The following BTBD7 variants were observed in gnomAD, a reference collection of about 807,000 sequenced individuals.
BTBD7 encodes BTB/POZ domain-containing protein 7.
Under a neutral mutation model 99.9 loss-of-function variants are expected in BTBD7, and 38 were observed. The ratio of observed to expected loss-of-function variants is 0.38; its 90% CI spans 0.29 to 0.50. The LOEUF (loss-of-function observed/expected upper bound fraction) is 0.50, where lower values mean the gene tolerates loss of function less well. Among genes scored for constraint, BTBD7 ranks in the 20% least tolerant of loss-of-function variants. The pLI, the probability that BTBD7 is intolerant of heterozygous loss-of-function variation, is 0.93. For missense variants in BTBD7, 1,170 were observed against 1,394.6 expected (o/e 0.84, Z 2.57); for synonymous variants, 520 against 511.4 (o/e 1.02, Z -0.23).
intron 1 of BTBD7, among the ~76,000 whole-genome samples, chr14:93,300,702 ATTTGTGTGTGTGTGTGTGTG>A (rs2052985350): frequency 2.8e-5 from 3 of 107,562 alleles, no homozygotes; most frequent in South Asian, 6.8e-4. Flanking sequence ...TGCCCAGCTA[ATTTGTGTGTGTGTGTGTGTG>A]TGTGTGTGTG....
chr14:93,258,264 G>GT (rs1412260663), intron 5 of BTBD7, among the ~76,000 whole-genome samples: 1 of 151,548 alleles, frequency 6.6e-6, no homozygotes, highest in African/African-American at 2.4e-5. Flanking sequence ...GAGAAGCTAA[G>GT]TTTTTTTCTG....
chr14:93,252,998 T>C (rs571274406), intron 7 of BTBD7, among the ~76,000 whole-genome samples: 1 of 152,166 alleles, frequency 6.6e-6, no homozygotes. Context: ...AAATTTTTCC[T>C]TTTAGTTTTT....
rs745463260 is a variant in BTBD7 at position 93,293,993 on chromosome 14, G to C, written c.1027C>G (p.His343Asp). The change falls in exon 3 of 11, where the codon CAC becomes GAC. Residue 343 changes from histidine (H) to aspartate (D), a missense_variant. By Grantham distance (81) the His-to-Asp change is moderately conservative. This residue lies in a region of BTBD7 where 359 missense variants were observed against 497.9 expected (regional missense o/e 0.72). Coordinates refer to ENST00000334746, the MANE Select transcript of BTBD7 (RefSeq NM_001002860.4). ...YTDVVDLSVL[H>D]CSPSVGSLSE... ...AGACTCCCCACAGAGGGGCTACAGT[G>C]CAAAACAGAGAGGTCCACCACGTCG... 6.2e-7 allele frequency: 1 copy of C among 1,613,746 alleles called. No individual in the cohort carries two copies. Among genetic ancestry groups the C allele is most frequent in the Admixed American group, 1.7e-5 (1 of 59,984 alleles).
At chr14:93,272,235 T>C (rs1012037282) in intron 3 of BTBD7, among the ~76,000 whole-genome samples, 3 of 152,010 alleles carry the variant, frequency 2.0e-5, no homozygotes, top group East Asian at 1.9e-4. Flanking sequence ...TGAGCCAAGA[T>C]TGCACCACTG....
At chr14:93,261,266 T>G (rs2052486896) in intron 5 of BTBD7, among the ~76,000 whole-genome samples, 1 of 152,236 alleles carries the variant, frequency 6.6e-6, no homozygotes, top group Non-Finnish European at 1.5e-5. Flanking sequence ...ATTCCAAATT[T>G]TCATCAACAT....
chr14:93,242,875 T>C lies in BTBD7; in HGVS notation c.2797A>G (p.Thr933Ala), dbSNP rs757065285. The change falls in exon 11 of 11, where the codon ACA becomes GCA. Residue 933 changes from threonine to alanine, a missense_variant. By Grantham distance (58) the Thr-to-Ala change is moderately conservative. Transcript: ENST00000334746. The part of the protein sequence containing the change: ...SRKKHTLEQK[T>A]DTRENPQEYP... ...TCCTGTGGATTTTCTCTGGTGTCTG[T>C]TTTTTGCTCTAGTGTGTGTTTTTTC... The C allele has an allele frequency of 1.5e-5, 25 of 1,614,028 alleles. No homozygotes were observed. Among genetic ancestry groups the C allele is most frequent in the Non-Finnish European group, 2.1e-5 (25 of 1,180,026 alleles).
intron 1 of BTBD7, among the ~76,000 whole-genome samples, chr14:93,326,803 A>C (rs1595346342): frequency 3.8e-5 from 1 of 26,360 alleles, no homozygotes; most frequent in Non-Finnish European, 5.9e-5. Flanking sequence ...AACTCTGTCT[A>C]AAAAAAAAAA....
chr14:93,259,792 C>T (rs1382159539), intron 5 of BTBD7, among the ~76,000 whole-genome samples: 4 of 151,914 alleles, frequency 2.6e-5, no homozygotes, highest in South Asian at 2.1e-4. Flanking sequence ...AAATTAGCCA[C>T]GCGTGGTGGC....
chr14:93,247,878 C>A (rs2052330325), intron 9 of BTBD7, among the ~76,000 whole-genome samples: 1 of 152,112 alleles, frequency 6.6e-6, no homozygotes, highest in African/African-American at 2.4e-5. Flanking sequence ...AAAGAAAGCA[C>A]TTACTGTTTG....
chr14:93,329,822 T>C (rs558250748), intron 1 of BTBD7, among the ~76,000 whole-genome samples: 5 of 152,316 alleles, frequency 3.3e-5, no homozygotes, highest in Non-Finnish European at 5.9e-5. Flanking sequence ...TTTAGAAATA[T>C]GTAGTCATGA....
chr14:93,276,532 T>C (rs2052658141), intron 3 of BTBD7, among the ~76,000 whole-genome samples: 1 of 152,154 alleles, frequency 6.6e-6, no homozygotes. Flanking sequence ...ACCACCAGGC[T>C]ATGGAAGCTG....
chr14:93,268,431 G>A (rs1340219527), intron 3 of BTBD7, among the ~76,000 whole-genome samples: 1 of 152,124 alleles, frequency 6.6e-6, no homozygotes, highest in Non-Finnish European at 1.5e-5. Flanking sequence ...TGATTCTATA[G>A]TGTCTGGCAC....
At chr14:93,302,642 C>T (rs566321528) in intron 1 of BTBD7, among the ~76,000 whole-genome samples, 2 of 152,202 alleles carry the variant, frequency 1.3e-5, no homozygotes, top group African/African-American at 2.4e-5. Flanking sequence ...GTCAGGAGTT[C>T]GAGACCAGCC....
At chr14:93,326,857 A>G (rs1052490182) in intron 1 of BTBD7, among the ~76,000 whole-genome samples, 1 of 152,118 alleles carries the variant, frequency 6.6e-6, no homozygotes, top group Non-Finnish European at 1.5e-5. Context: ...TAATGATACT[A>G]TACCTGTTTT....
chr14:93,320,376 A>G (rs145522956), intron 1 of BTBD7, among the ~76,000 whole-genome samples: 2 of 152,328 alleles, frequency 1.3e-5, no homozygotes, highest in East Asian at 3.9e-4. Flanking sequence ...GAAGCCAAGG[A>G]TGCTGCTAAA....
chr14:93,269,584 C>G (rs1566842962), intron 3 of BTBD7, among the ~76,000 whole-genome samples: 1 of 152,196 alleles, frequency 6.6e-6, no homozygotes, highest in Non-Finnish European at 1.5e-5. Flanking sequence ...TCTCTCGGCA[C>G]TTTGCAAACT....
chr14:93,260,365 C>T (rs560093835), intron 5 of BTBD7, among the ~76,000 whole-genome samples: 14 of 152,216 alleles, frequency 9.2e-5, no homozygotes, highest in African/African-American at 3.4e-4. Context: ...AGGAATACAA[C>T]GATGTTTGAG....
intron 3 of BTBD7, 64 bp downstream of exon 3, chr14:93,293,794 G>A (rs2052886482): frequency 5.2e-6 from 8 of 1,525,800 alleles, no homozygotes; most frequent in Non-Finnish European, 7.0e-6. Context: ...TACTGGTTGT[G>A]TTTTCAATTT....
chr14:93,271,513 G>C (rs2052600744), intron 3 of BTBD7, among the ~76,000 whole-genome samples: 1 of 152,146 alleles, frequency 6.6e-6, no homozygotes, highest in Admixed American at 6.5e-5. Context: ...TTAGAAATAA[G>C]AATTGAAGTA....
Sources: gnomAD v4.1 joint callset for allele counts (sites outside exome capture counted in the v4.1 genomes callset) on GRCh38, gnomAD v4.1.1 for gene constraint, gnomAD v4.1.1 regional missense constraint, MANE v1.5 for transcripts, NCBI Gene and HGNC (gene_info 2026-07-23, HGNC 2026-07-21) for gene names.